FRRS1L: variants seen among roughly 807,000 people sequenced by gnomAD.
FRRS1L encodes ferric chelate reductase 1 like.
In FRRS1L, 22 loss-of-function variants were observed where a neutral mutation model predicts 28.6. The ratio of observed to expected loss-of-function variants is 0.77; its 90% CI spans 0.55 to 1.10. The LOEUF is 1.10. Ranked by LOEUF, FRRS1L falls within the 50% of genes least tolerant of loss-of-function variation. The pLI, the probability that FRRS1L is intolerant of heterozygous loss-of-function variation, is 0.00. For missense variants in FRRS1L, 380 were observed against 386.9 expected, an observed-to-expected ratio of 0.98 and a Z score of 0.15; for synonymous variants, 158 against 151.4, an observed-to-expected ratio of 1.04 and a Z score of -0.32.
Position 109,134,657 on chromosome 9 carries a change from G to T in FRRS1L, c.*2798C>A, listed in dbSNP as rs1278099437. On this transcript the variant is annotated 3_prime_UTR_variant, in exon 5 of 5. Transcript: ENST00000561981. ...GTTCTAAGCATAAATAAGCAAAATCGGTAATCAAATGAGAAATCACTAGTG... is the reference window on the plus strand; with the variant it reads ...GTTCTAAGCATAAATAAGCAAAATCTGTAATCAAATGAGAAATCACTAGTG... 6.6e-6 allele frequency: 1 copy of T among 152,112 alleles called. No homozygotes were observed. Among genetic ancestry groups the T allele is most frequent in the African/African-American group, 2.4e-5 (1 of 41,424 alleles). 9.4% of individuals were successfully genotyped at this position (152,112 alleles called of 1,614,324 possible).
intron 1 of FRRS1L, among the ~76,000 whole-genome samples, chr9:109,154,250 C>T (rs1349489683): frequency 6.6e-6 from 1 of 152,198 alleles, no homozygotes; most frequent in Non-Finnish European, 1.5e-5. Flanking sequence ...AACTCCAGCC[C>T]CAAGGATGGT....
At chr9:109,160,650 A>G (rs1016063362) in intron 1 of FRRS1L, among the ~76,000 whole-genome samples, 1 of 151,786 alleles carries the variant, frequency 6.6e-6, no homozygotes, top group African/African-American at 2.4e-5. Context: ...TACAGGCATG[A>G]GCCACTGCAC....
At chr9:109,153,447 A>C (rs193223686) in intron 1 of FRRS1L, among the ~76,000 whole-genome samples, 19 of 152,204 alleles carry the variant, frequency 1.2e-4, no homozygotes, top group Admixed American at 4.6e-4. Context: ...TAATCCCACG[A>C]GGAGAAGGCA....
At position 109,148,975 on chromosome 9, in the gene FRRS1L, T is replaced by C. The variant is rs1831296090; in HGVS notation, c.323+661A>G. Among the ~76,000 whole-genome samples, 3 of 152,186 alleles carry C rather than the reference T, an allele frequency of 2.0e-5. No individual in the cohort carries two copies. The South Asian group carries it at 6.2e-4, about 31-fold the overall frequency. ...ACTGAACAACAGCAAAATCAGAACC[T>C]TCAGTACAGTGACCATCAAAACTTT... On this transcript the variant is annotated intron_variant, in intron 2 of 4. Coordinates refer to ENST00000561981, the MANE Select transcript of FRRS1L (RefSeq NM_014334.4).
At chr9:109,158,384 A>T (rs1395792430) in intron 1 of FRRS1L, among the ~76,000 whole-genome samples, 2 of 152,188 alleles carry the variant, frequency 1.3e-5, no homozygotes, top group Non-Finnish European at 2.9e-5. Flanking sequence ...TATACAGATC[A>T]GTGTTTTTTA....
At position 109,166,881 on chromosome 9, in the gene FRRS1L, T is replaced by G; in HGVS notation, c.238+20A>C. On this transcript the variant is annotated intron_variant, in intron 1 of 4. Transcript: ENST00000561981. ...CCCCGGTCTCCCCTCCCGCAACCCC[T>G]CGCCCTCCCGCAGCCTCACCCTCCT... 2.0e-5 allele frequency: 7 copies of G among 345,276 alleles called. No individual in the cohort carries two copies. The highest frequency in any genetic ancestry group is 9.2e-5 in the Admixed American group (1 of 10,814). The allele number at this position is 345,276 out of a possible 1,614,324, so 21.4% of individuals were successfully genotyped here.
intron 1 of FRRS1L, among the ~76,000 whole-genome samples, chr9:109,163,740 G>A (rs1326300951): frequency 1.3e-5 from 2 of 152,092 alleles, no homozygotes; most frequent in Admixed American, 6.5e-5. Flanking sequence ...TAAGAAGGGG[G>A]TACCCTGCAC....
rs2118451814 is a variant in FRRS1L at position 109,134,346 on chromosome 9, G to A, written c.*3109C>T. ...GTATAACGAGCATGTTGATGAGGAA[G>A]CCCAATGTGCTATGGGAGCATTTGA... On this transcript the variant is annotated 3_prime_UTR_variant, in exon 5 of 5. Coordinates refer to ENST00000561981, the MANE Select transcript of FRRS1L (RefSeq NM_014334.4). 6.6e-6 allele frequency: 1 copy of A among 152,292 alleles called. No homozygotes were observed. Among genetic ancestry groups the A allele is most frequent in the East Asian group, 1.9e-4 (1 of 5,208 alleles). 9.4% of individuals were successfully genotyped at this position (152,292 alleles called of 1,614,324 possible).
intron 3 of FRRS1L, 45 bp from the exon 4 acceptor site, chr9:109,141,634 C>A: frequency 8.9e-6 from 14 of 1,575,608 alleles, no homozygotes; most frequent in Non-Finnish European, 1.2e-5. Flanking sequence ...AAAGGTTCAT[C>A]TTTTGCACAC....
intron 1 of FRRS1L, among the ~76,000 whole-genome samples, chr9:109,153,782 A>G (rs992677828): frequency 2.0e-5 from 3 of 152,150 alleles, no homozygotes; most frequent in Non-Finnish European, 4.4e-5. Flanking sequence ...GGGAGTTGAT[A>G]CTGGAATATA....
intron 1 of FRRS1L, among the ~76,000 whole-genome samples, chr9:109,156,198 A>G (rs546526174): frequency 4.0e-5 from 6 of 151,894 alleles, no homozygotes; most frequent in Non-Finnish European, 7.4e-5. Flanking sequence ...TTTCATACAC[A>G]GTTTATCTGT....
At chr9:109,157,751 T>C (rs2118504115) in intron 1 of FRRS1L, among the ~76,000 whole-genome samples, 1 of 152,360 alleles carries the variant, frequency 6.6e-6, no homozygotes, top group East Asian at 1.9e-4. Flanking sequence ...TTACTGCTTT[T>C]ATTTGGATAC....
chr9:109,165,935 C>T (rs1831542821), intron 1 of FRRS1L, among the ~76,000 whole-genome samples: 1 of 152,204 alleles, frequency 6.6e-6, no homozygotes, highest in African/African-American at 2.4e-5. Flanking sequence ...ACCAAGGAGC[C>T]TCCAGACCAG....
chr9:109,160,276 C>G (rs1831464269), intron 1 of FRRS1L, among the ~76,000 whole-genome samples: 2 of 152,300 alleles, frequency 1.3e-5, no homozygotes, highest in Admixed American at 1.3e-4. Flanking sequence ...CTCCCAAAAG[C>G]TATCGTCCTA....
Position 109,143,255 on chromosome 9 carries a change from C to G in FRRS1L, c.463-1666G>C, listed in dbSNP as rs958507828. ...GCTTGAACCTGAGAGGTGGAGGCTG[C>G]AGTGAGCCGAAATAGTGCCACTGAA... On this transcript the variant is annotated intron_variant, in intron 3 of 4. Coordinates refer to ENST00000561981, the MANE Select transcript of FRRS1L (RefSeq NM_014334.4). Among the ~76,000 whole-genome samples, 33 of 151,950 alleles carry G rather than the reference C, an allele frequency of 2.2e-4. 1 individual carries two copies. Among genetic ancestry groups the G allele is most frequent in the Non-Finnish European group, 2.8e-4 (19 of 68,006 alleles).
intron 3 of FRRS1L, among the ~76,000 whole-genome samples, chr9:109,142,099 A>G (rs1457627869): frequency 2.0e-5 from 3 of 152,186 alleles, no homozygotes; most frequent in African/African-American, 7.2e-5. Flanking sequence ...AACATATGAA[A>G]ACAAACAATA....
At chr9:109,142,929 C>T (rs867549558) in intron 3 of FRRS1L, among the ~76,000 whole-genome samples, 1 of 152,276 alleles carries the variant, frequency 6.6e-6, no homozygotes, top group African/African-American at 2.4e-5. Context: ...GTAGTCCCAG[C>T]TACTTGGGAG....
chr9:109,144,525 CG>C (rs1831229588), intron 3 of FRRS1L, among the ~76,000 whole-genome samples: 1 of 151,892 alleles, frequency 6.6e-6, no homozygotes, highest in Non-Finnish European at 1.5e-5. Flanking sequence ...CCACCATACC[CG>C]GCTAAGTTTT....
chr9:109,145,089 G>A (rs1162384585), intron 3 of FRRS1L, among the ~76,000 whole-genome samples: 1 of 152,194 alleles, frequency 6.6e-6, no homozygotes, highest in Non-Finnish European at 1.5e-5. Flanking sequence ...GGGTGCTCTA[G>A]GCAGAAACAG....
Sources: allele counts gnomAD v4.1 joint callset (sites outside exome capture counted in the v4.1 genomes callset), GRCh38; gene constraint gnomAD v4.1.1; transcripts MANE v1.5; gene names NCBI Gene and HGNC (gene_info 2026-07-23, HGNC 2026-07-21).